The following MAP3K13 variants were observed in gnomAD, a reference collection of about 807,000 sequenced individuals.
MAP3K13 encodes the protein mitogen-activated protein kinase kinase kinase 13, also known as leucine zipper-bearing kinase.
A neutral mutation model predicts 104.0 loss-of-function variants in MAP3K13; 52 were observed. The ratio of observed to expected loss-of-function variants is 0.50; its 90% CI spans 0.40 to 0.63. MAP3K13 has a LOEUF of 0.63. MAP3K13 is among the 20% of genes least tolerant of loss of function. The probability of loss-of-function intolerance (pLI) is 0.00; values close to 1 mark genes in which losing one functional copy is unlikely to be tolerated. For synonymous variants in MAP3K13, 394 were observed against 442.2 expected, an observed-to-expected ratio of 0.89 and a Z score of 1.37; for missense variants, 914 against 1,218.5, an observed-to-expected ratio of 0.75 and a Z score of 3.72.
chr3:185,381,053 C>G (rs56704939), intron 1 of MAP3K13, among the ~76,000 whole-genome samples: 11,807 of 151,918 alleles, frequency 0.078, 592 homozygotes, highest in Admixed American at 0.14. Context: ...ACCTCCGCCT[C>G]CCAGATTCAA....
At chr3:185,346,487 G>A (rs759516105) in intron 2 of MAP3K13, among the ~76,000 whole-genome samples, 49 of 152,026 alleles carry the variant, frequency 3.2e-4, no homozygotes, top group Non-Finnish European at 6.3e-4. Flanking sequence ...ATACATTTTA[G>A]TATACAACCT....
chr3:185,463,395 T>C (rs1410648703), intron 7 of MAP3K13, among the ~76,000 whole-genome samples, 155 bp from the exon 8 acceptor site: 2 of 152,190 alleles, frequency 1.3e-5, no homozygotes, highest in African/African-American at 4.8e-5. Flanking sequence ...AGGAGATATT[T>C]TGCTATTAAT....
chr3:185,342,740 T>C (rs1333895769), intron 2 of MAP3K13, among the ~76,000 whole-genome samples: 23 of 152,192 alleles, frequency 1.5e-4, no homozygotes, highest in Admixed American at 1.4e-3. Context: ...TGTAGGTGTA[T>C]TAATTTTCTC....
chr3:185,455,352 T>C (rs190784283), intron 7 of MAP3K13, among the ~76,000 whole-genome samples: 2 of 34,198 alleles, frequency 5.8e-5, no homozygotes, highest in African/African-American at 2.0e-4. Flanking sequence ...ATATATATGA[T>C]ATATATATGA....
At chr3:185,343,656 T>A (rs1466310939) in intron 2 of MAP3K13, among the ~76,000 whole-genome samples, 1 of 152,166 alleles carries the variant, frequency 6.6e-6, no homozygotes, top group African/African-American at 2.4e-5. Flanking sequence ...TTTCACCGTG[T>A]TGGCCAGGAT....
intron 2 of MAP3K13, among the ~76,000 whole-genome samples, chr3:185,323,295 A>G (rs1329614443): frequency 6.6e-6 from 1 of 151,140 alleles, no homozygotes; most frequent in Non-Finnish European, 1.5e-5. Flanking sequence ...TTTCTATTCC[A>G]GGATCTAATC....
chr3:185,408,920 A>G (rs1713273343), intron 1 of MAP3K13, among the ~76,000 whole-genome samples: 1 of 152,162 alleles, frequency 6.6e-6, no homozygotes, highest in East Asian at 1.9e-4. Context: ...TTTTTGGCCA[A>G]CTCACTACCA....
chr3:185,471,496 G>T (rs1448223860), intron 10 of MAP3K13, among the ~76,000 whole-genome samples: 3 of 103,548 alleles, frequency 2.9e-5, no homozygotes. Flanking sequence ...TCTCACTCTT[G>T]TTACCCAGGC....
intron 7 of MAP3K13, among the ~76,000 whole-genome samples, chr3:185,452,280 G>A (rs185011144): frequency 6.1e-4 from 93 of 152,240 alleles, no homozygotes; most frequent in Admixed American, 1.4e-3. Context: ...CAGGAGTACC[G>A]TGGTCTGATC....
intron 7 of MAP3K13, among the ~76,000 whole-genome samples, chr3:185,457,860 A>G (rs749000360): frequency 3.3e-5 from 5 of 152,146 alleles, no homozygotes; most frequent in African/African-American, 4.8e-5. Flanking sequence ...GTGAGGTACT[A>G]CAAATAGTAA....
At chr3:185,376,161 A>T (rs1724418526) in intron 1 of MAP3K13, among the ~76,000 whole-genome samples, 1 of 152,104 alleles carries the variant, frequency 6.6e-6, no homozygotes, top group Non-Finnish European at 1.5e-5. Context: ...AGATACAGTC[A>T]TGGGGGTCAG....
At chr3:185,297,570 A>G (rs551880291) in intron 2 of MAP3K13, among the ~76,000 whole-genome samples, 3 of 152,214 alleles carry the variant, frequency 2.0e-5, no homozygotes, top group African/African-American at 7.2e-5. Flanking sequence ...CCCTGTCTCT[A>G]CTAATAATAC....
Position 185,450,885 on chromosome 3 carries a change from C to T in MAP3K13, c.1170-402C>T, listed in dbSNP as rs1715842013. Among the ~76,000 whole-genome samples the T allele has an allele frequency of 2.0e-5, 3 of 152,220 alleles. No homozygotes were observed. Among genetic ancestry groups the T allele is most frequent in the Middle Eastern group, 3.4e-3 (1 of 294 alleles). The stretch of plus-strand genomic sequence containing the variant: ...CGGGCGTATCACGAGGTCAGGAGAT[C>T]GAGACCATCCTGGTTAACACGATGA... On this transcript the variant is annotated intron_variant, in intron 6 of 13. Coordinates refer to ENST00000265026, the MANE Select transcript of MAP3K13 (RefSeq NM_004721.5). The surrounding 1 kb of genome is among the most constrained non-coding windows in gnomAD (Gnocchi z 4.2).
At chr3:185,383,422 C>T (rs569499941) in intron 1 of MAP3K13, among the ~76,000 whole-genome samples, 19 of 152,028 alleles carry the variant, frequency 1.2e-4, no homozygotes, top group Middle Eastern at 3.4e-3. Context: ...ATTAGCTGGG[C>T]GTGGTGGCGG....
At chr3:185,292,881 A>G (rs2108674272) in intron 2 of MAP3K13, 3 of 984,218 alleles carry the variant, frequency 3.0e-6, no homozygotes, top group Non-Finnish European at 3.6e-6. Flanking sequence ...GTTATAGATT[A>G]TAACATATTA....
intron 1 of MAP3K13, among the ~76,000 whole-genome samples, chr3:185,395,353 A>ATTTCTTTCTT (rs201766620): frequency 5.4e-5 from 1 of 18,492 alleles, no homozygotes; most frequent in Non-Finnish European, 1.1e-4. Context: ...ATTCAATATT[A>ATTTCTTTCTT]TTTCTTTTTT....
chr3:185,311,551 C>T (rs1282152178), intron 2 of MAP3K13, among the ~76,000 whole-genome samples: 2 of 152,112 alleles, frequency 1.3e-5, no homozygotes, highest in African/African-American at 4.8e-5. Context: ...CTACCATAAG[C>T]CCCAACCCAG....
chr3:185,434,906 C>A (rs1358408199), intron 2 of MAP3K13, among the ~76,000 whole-genome samples: 1 of 152,134 alleles, frequency 6.6e-6, no homozygotes, highest in Non-Finnish European at 1.5e-5. Flanking sequence ...CAGTTATGTT[C>A]TTGCCCCAGA....
intron 13 of MAP3K13, among the ~76,000 whole-genome samples, chr3:185,480,786 G>A (rs1034826502): frequency 6.6e-6 from 1 of 152,168 alleles, no homozygotes; most frequent in African/African-American, 2.4e-5. Flanking sequence ...ATGGCAGAAG[G>A]TGATGAGGAA....
Sources: gnomAD v4.1 joint callset for allele counts (sites outside exome capture counted in the v4.1 genomes callset) on GRCh38, gnomAD v4.1.1 for gene constraint, Gnocchi (gnomAD v3.1) non-coding constraint, MANE v1.5 for transcripts, NCBI Gene and HGNC (gene_info 2026-07-23, HGNC 2026-07-21) for gene names.